The following DSCAM variants were observed in gnomAD, a reference collection of about 807,000 sequenced individuals.
The protein encoded by DSCAM is DS cell adhesion molecule.
DSCAM carries 47 observed loss-of-function variants against 217.7 expected under a neutral mutation model. That is an observed-to-expected ratio of 0.22 (90% CI 0.17 to 0.28). The LOEUF (loss-of-function observed/expected upper bound fraction) is 0.28, where lower values mean the gene tolerates loss of function less well. Ranked by LOEUF, DSCAM falls within the 10% of genes least tolerant of loss-of-function variation. The pLI, the probability that DSCAM is intolerant of heterozygous loss-of-function variation, is 1.00. For missense variants in DSCAM, 2,080 were observed against 2,618.3 expected (o/e 0.79, Z 4.49); for synonymous variants, 1,056 against 1,015.3 (o/e 1.04, Z -0.76).
At chr21:40,472,098 G>A (rs1372521632) in intron 3 of DSCAM, among the ~76,000 whole-genome samples, 1 of 152,190 alleles carries the variant, frequency 6.6e-6, no homozygotes, top group African/African-American at 2.4e-5. Context: ...AAGGAGCAGA[G>A]ATTTTCTAAA....
intron 3 of DSCAM, among the ~76,000 whole-genome samples, chr21:40,496,453 G>A (rs371609789): frequency 6.6e-6 from 1 of 152,008 alleles, no homozygotes; most frequent in South Asian, 2.1e-4. Context: ...AATGGTTCTG[G>A]GAAAACAATA....
intron 11 of DSCAM, among the ~76,000 whole-genome samples, chr21:40,200,530 A>AT (rs1380882543): frequency 6.6e-6 from 1 of 152,144 alleles, no homozygotes. Flanking sequence ...TGTACACAGC[A>AT]TTTTTTTAAT....
chr21:40,278,491 C>G (rs74595641), intron 10 of DSCAM, among the ~76,000 whole-genome samples: 4,517 of 152,098 alleles, frequency 0.03, 211 homozygotes, highest in African/African-American at 0.1. Flanking sequence ...CCAGCACTCT[C>G]GGAGACCAGG....
intron 7 of DSCAM, 132 bp from the exon 8 acceptor site, chr21:40,338,508 A>AT: frequency 1.0e-6 from 1 of 985,784 alleles, no homozygotes; most frequent in Non-Finnish European, 1.4e-6. Flanking sequence ...TTAAACAAAT[A>AT]TTTTTGCATG....
chr21:40,044,600 G>T (rs2088813477), intron 30 of DSCAM, among the ~76,000 whole-genome samples: 1 of 152,160 alleles, frequency 6.6e-6, no homozygotes, highest in Admixed American at 6.5e-5. Context: ...AATGAGGGGA[G>T]ACTGACAACA....
At chr21:40,233,570 T>C (rs1380427580) in intron 11 of DSCAM, among the ~76,000 whole-genome samples, 1 of 152,120 alleles carries the variant, frequency 6.6e-6, no homozygotes, top group Non-Finnish European at 1.5e-5. Flanking sequence ...ATTAGAGACT[T>C]TTTGCCCCTA....
intron 3 of DSCAM, among the ~76,000 whole-genome samples, chr21:40,656,653 A>C (rs1324869533): frequency 6.6e-6 from 1 of 152,186 alleles, no homozygotes; most frequent in East Asian, 1.9e-4. Context: ...ACCTTAAGAC[A>C]GTGAATTGCA....
chr21:40,695,467 C>T (rs901252684), intron 2 of DSCAM, among the ~76,000 whole-genome samples: 5 of 152,182 alleles, frequency 3.3e-5, no homozygotes, highest in Admixed American at 3.3e-4. Flanking sequence ...AATTTTAAAC[C>T]TGTGTGACTT....
At chr21:40,677,064 G>A (rs2090348132) in intron 3 of DSCAM, among the ~76,000 whole-genome samples, 1 of 152,122 alleles carries the variant, frequency 6.6e-6, no homozygotes. Context: ...ATTAGCCGGG[G>A]GGGAATCTCA....
chr21:40,420,751 GA>G (rs1198124107), intron 3 of DSCAM, among the ~76,000 whole-genome samples: 3 of 152,134 alleles, frequency 2.0e-5, no homozygotes, highest in Non-Finnish European at 1.5e-5. Flanking sequence ...AATGCCATGT[GA>G]CCCTGAAGGC....
chr21:40,827,662 A>G (rs761369624), intron 1 of DSCAM, among the ~76,000 whole-genome samples: 4 of 152,168 alleles, frequency 2.6e-5, no homozygotes, highest in Non-Finnish European at 4.4e-5. Context: ...CGAAGTGTGT[A>G]CAGACCAGCT....
intron 1 of DSCAM, among the ~76,000 whole-genome samples, chr21:40,787,654 C>G (rs996847805): frequency 6.6e-6 from 1 of 152,012 alleles, no homozygotes; most frequent in African/African-American, 2.4e-5. Flanking sequence ...AATACCAGGC[C>G]CTTCACTTTT....
intron 3 of DSCAM, chr21:40,383,639 T>C (rs1489306034): frequency 1.3e-5 from 2 of 152,186 alleles, no homozygotes; most frequent in Non-Finnish European, 2.9e-5. Flanking sequence ...TTCTTTCTTT[T>C]CTTTTTTTTT....
intron 3 of DSCAM, among the ~76,000 whole-genome samples, chr21:40,382,647 T>C (rs1258263431): frequency 6.6e-6 from 1 of 152,204 alleles, no homozygotes. Context: ...GTAGAAACCA[T>C]GTCAGATGCG....
At chr21:40,062,284 C>T (rs181270099) in intron 28 of DSCAM, among the ~76,000 whole-genome samples, 27 of 152,346 alleles carry the variant, frequency 1.8e-4, no homozygotes, top group Non-Finnish European at 3.5e-4. Context: ...AATAACCACT[C>T]TTCATTCATC....
chr21:40,635,149 C>A (rs1372496574), intron 3 of DSCAM, among the ~76,000 whole-genome samples: 1 of 151,974 alleles, frequency 6.6e-6, no homozygotes, highest in Non-Finnish European at 1.5e-5. Flanking sequence ...AGAAGGGACA[C>A]AGAGAGGGGA....
intron 3 of DSCAM, among the ~76,000 whole-genome samples, chr21:40,595,386 A>T (rs532654750): frequency 6.6e-6 from 1 of 152,106 alleles, no homozygotes; most frequent in Non-Finnish European, 1.5e-5. Flanking sequence ...TCAAAAAAAA[A>T]GAAAAGAAAA....
At chr21:40,740,115 C>T (rs927643067) in intron 1 of DSCAM, among the ~76,000 whole-genome samples, 5 of 151,906 alleles carry the variant, frequency 3.3e-5, no homozygotes, top group Non-Finnish European at 4.4e-5. Context: ...TGCTAGAAAG[C>T]GCCTAAGACA....
chr21:40,651,586 A>G (rs575975110), intron 3 of DSCAM, among the ~76,000 whole-genome samples: 1 of 152,066 alleles, frequency 6.6e-6, no homozygotes, highest in Non-Finnish European at 1.5e-5. Context: ...TTCCCAACCT[A>G]AAGAGTGCTG....
Sources: allele counts gnomAD v4.1 joint callset (sites outside exome capture counted in the v4.1 genomes callset), GRCh38; gene constraint gnomAD v4.1.1; transcripts MANE v1.5; gene names NCBI Gene and HGNC (gene_info 2026-07-23, HGNC 2026-07-21).